PRH1: variants seen among roughly 807,000 people sequenced by gnomAD.
PRH1 encodes salivary acidic proline-rich phosphoprotein 1/2.
Under a neutral mutation model 7.9 loss-of-function variants are expected in PRH1, and 7 were observed. That is an observed-to-expected ratio of 0.89 (90% CI 0.50 to 1.67). The LOEUF is 1.67. Ranked by LOEUF, PRH1 falls within the 40% of genes most tolerant of loss-of-function variation. PRH1 has a pLI of 0.00. For synonymous variants in PRH1, 45 were observed against 80.8 expected, an observed-to-expected ratio of 0.56 and a Z score of 2.38; for missense variants, 109 against 223.6, an observed-to-expected ratio of 0.49 and a Z score of 3.27.
At chr12:10,887,150 A>T (rs1949504079), upstream of PRH1, among the ~76,000 whole-genome samples, 1 of 152,216 alleles carries the variant, frequency 6.6e-6, no homozygotes, top group Non-Finnish European at 1.5e-5. Context: ...CTCTGAATGG[A>T]ACAGAAAGTA....
At chr12:11,161,756 T>G (rs575541738) in intron 1 of PRH1, among the ~76,000 whole-genome samples, 30 of 152,294 alleles carry the variant, frequency 2.0e-4, no homozygotes, top group Non-Finnish European at 3.8e-4. Context: ...GACTTTTCAA[T>G]TAAACATAGA....
At chr12:11,124,567 A>G (rs938079763) in intron 1 of PRH1, among the ~76,000 whole-genome samples, 1 of 152,274 alleles carries the variant, frequency 6.6e-6, no homozygotes, top group African/African-American at 2.4e-5. Flanking sequence ...TTCTAAATCT[A>G]AATGTATTCA....
At chr12:11,030,574 A>C in intron 1 of PRH1, 1 of 1,614,232 alleles carries the variant, frequency 6.2e-7, no homozygotes, top group East Asian at 2.2e-5. Context: ...TGTTTTCCAG[A>C]CTCCCAAAAC....
intron 2 of PRH1, chr12:10,938,717 G>T: frequency 6.2e-7 from 1 of 1,613,906 alleles, no homozygotes; most frequent in Non-Finnish European, 8.5e-7. Context: ...AGAACTGCAA[G>T]TCTTGTTTCT....
At position 11,094,646 on chromosome 12, in the gene PRH1, GA is replaced by G. The variant is rs1945033552; in HGVS notation, n.124-47459del. On this transcript the variant is annotated intron_variant and non_coding_transcript_variant, in intron 1 of 4. Coordinates refer to the PRH1 transcript ENST00000541977. Reference sequence around the variant, plus strand: ...TTTCAACTATCTTAGAATTGTGTAAGAATGTATACAAATATTTGATATTTCC... The same window carrying G: ...TTTCAACTATCTTAGAATTGTGTAAGATGTATACAAATATTTGATATTTCC... Among the ~76,000 whole-genome samples, 2 of 115,960 alleles carry G rather than the reference GA, an allele frequency of 1.7e-5. 1 individual carries two copies. The highest frequency in any genetic ancestry group is 4.1e-5 in the Non-Finnish European group (2 of 49,102). 76.1% of individuals were successfully genotyped at this position (115,960 alleles called of 152,430 possible).
At chr12:11,012,733 T>A (rs1410232130) in intron 1 of PRH1, among the ~76,000 whole-genome samples, 2 of 152,048 alleles carry the variant, frequency 1.3e-5, no homozygotes, top group Non-Finnish European at 2.9e-5. Context: ...ATTTTTCAGT[T>A]TTTTTGTAGA....
At chr12:11,119,638 A>G (rs1201112371), downstream of PRH1, among the ~76,000 whole-genome samples, 1 of 152,222 alleles carries the variant, frequency 6.6e-6, no homozygotes, top group East Asian at 1.9e-4. Context: ...TAATATGCCC[A>G]CATAATGTTA....
At chr12:11,017,056 T>C (rs1339151756) in intron 1 of PRH1, among the ~76,000 whole-genome samples, 1 of 152,258 alleles carries the variant, frequency 6.6e-6, no homozygotes, top group African/African-American at 2.4e-5. Flanking sequence ...ACAAATGCTC[T>C]CTAGGATGTG....
intron 1 of PRH1, chr12:11,078,004 AC>A: frequency 1.4e-6 from 1 of 736,978 alleles, no homozygotes; most frequent in Non-Finnish European, 2.4e-6. Context: ...AACAGCTCCT[AC>A]TTCTGAACTA....
intron 1 of PRH1, among the ~76,000 whole-genome samples, chr12:11,014,889 C>CA (rs1941222143): frequency 6.6e-6 from 1 of 152,076 alleles, no homozygotes. Flanking sequence ...TCTCACCACC[C>CA]ACCAGGAATG....
At chr12:11,137,395 T>C (rs969771896) in intron 1 of PRH1, among the ~76,000 whole-genome samples, 6 of 152,330 alleles carry the variant, frequency 3.9e-5, no homozygotes, top group Non-Finnish European at 5.9e-5. Context: ...TATCCGTGAA[T>C]ATAGTTTTGG....
chr12:11,119,769 C>A (rs1945840298), downstream of PRH1, among the ~76,000 whole-genome samples: 1 of 152,098 alleles, frequency 6.6e-6, no homozygotes, highest in East Asian at 1.9e-4. Context: ...TTCCAAGATT[C>A]CTAGTTCAAG....
intron 1 of PRH1, among the ~76,000 whole-genome samples, chr12:11,012,766 C>T (rs899268385): frequency 2.6e-5 from 4 of 152,018 alleles, no homozygotes; most frequent in African/African-American, 4.8e-5. Flanking sequence ...CTATGTTGCC[C>T]AGTATGGTCT....
intron 2 of PRH1, chr12:10,909,214 G>A (rs1591668496): frequency 3.1e-6 from 5 of 1,613,572 alleles, no homozygotes; most frequent in South Asian, 1.1e-5. Context: ...CAGTTGATCA[G>A]TACTATAAAT....
At chr12:11,050,799 A>G (rs139146535), upstream of PRH1, among the ~76,000 whole-genome samples, 429 of 152,408 alleles carry the variant, frequency 2.8e-3, 4 homozygotes, top group African/African-American at 9.7e-3. Flanking sequence ...AAATTAGTAG[A>G]CTTTACACAG....
chr12:11,045,368 C>A (rs1225450562), intron 1 of PRH1, among the ~76,000 whole-genome samples: 1 of 149,892 alleles, frequency 6.7e-6, no homozygotes, highest in Non-Finnish European at 1.5e-5. Context: ...TTTGATAGCA[C>A]AGCAGGGTGA....
intron 1 of PRH1, among the ~76,000 whole-genome samples, chr12:11,057,075 T>C (rs373406416): frequency 1.3e-5 from 2 of 152,010 alleles, no homozygotes; most frequent in Admixed American, 1.3e-4. Flanking sequence ...GGCAGGATCA[T>C]AGCCCACTAC....
intron 1 of PRH1, chr12:11,159,812 A>G (rs1023574790): frequency 7.9e-5 from 12 of 152,242 alleles, no homozygotes; most frequent in African/African-American, 2.9e-4. Flanking sequence ...TTCAGAAGGC[A>G]TAGCCAAATT....
At chr12:11,076,885 T>C (rs1944312589) in intron 1 of PRH1, 1 of 115,382 alleles carries the variant, frequency 8.7e-6, no homozygotes, top group African/African-American at 2.9e-5. Flanking sequence ...AGATACATTC[T>C]CATCATTGAT....
Sources: allele counts gnomAD v4.1 joint callset (sites outside exome capture counted in the v4.1 genomes callset), GRCh38; gene constraint gnomAD v4.1.1; transcripts MANE v1.5; gene names NCBI Gene and HGNC (gene_info 2026-07-23, HGNC 2026-07-21).